The following NALF1 variants were observed in gnomAD, a reference collection of about 807,000 sequenced individuals.
NALF1 encodes NALCN channel auxiliary factor 1.
A neutral mutation model predicts 48.4 loss-of-function variants in NALF1; 3 were observed. The ratio of observed to expected loss-of-function variants is 0.06; its 90% CI spans 0.03 to 0.16. The LOEUF (loss-of-function observed/expected upper bound fraction) is 0.16, where lower values mean the gene tolerates loss of function less well. Among genes scored for constraint, NALF1 ranks in the 10% least tolerant of loss-of-function variants. NALF1 has a pLI of 1.00. For missense variants in NALF1, 526 were observed against 571.5 expected (o/e 0.92, Z 0.81); for synonymous variants, 262 against 245.7 (o/e 1.07, Z -0.62).
intron 1 of NALF1, among the ~76,000 whole-genome samples, chr13:107,251,578 G>A (rs781749302): frequency 6.6e-6 from 1 of 152,166 alleles, no homozygotes; most frequent in Non-Finnish European, 1.5e-5. Context: ...GCAAGGAGAG[G>A]TTATAAACTT....
intron 1 of NALF1, among the ~76,000 whole-genome samples, chr13:107,831,182 T>C (rs1476384632): frequency 1.3e-5 from 2 of 152,198 alleles, no homozygotes; most frequent in South Asian, 2.1e-4. Flanking sequence ...AAAACCAAGA[T>C]AGTTCATCCA....
chr13:107,207,482 A>G (rs769514227), intron 2 of NALF1, among the ~76,000 whole-genome samples: 1 of 152,124 alleles, frequency 6.6e-6, no homozygotes, highest in Non-Finnish European at 1.5e-5. Flanking sequence ...ATGACAAGCC[A>G]CTCCACAGTT....
chr13:107,230,440 G>A (rs761363580), intron 1 of NALF1, among the ~76,000 whole-genome samples: 8 of 152,074 alleles, frequency 5.3e-5, no homozygotes, highest in Non-Finnish European at 8.8e-5. Flanking sequence ...GCATGTTGAA[G>A]TGAAAAAGCC....
chr13:107,434,772 G>A (rs143053839), intron 1 of NALF1, among the ~76,000 whole-genome samples: 53 of 152,288 alleles, frequency 3.5e-4, no homozygotes, highest in African/African-American at 1.2e-3. Context: ...CAAATGCAGA[G>A]AATATTTTAT....
rs142086000 is a variant in NALF1, at chr13:107,491,919, AATTATT to A, written c.916-281170_916-281165del. Among the ~76,000 whole-genome samples the A allele has an allele frequency of 6.5e-4, 98 of 151,478 alleles. No individual in the cohort carries two copies. In the Middle Eastern group the frequency reaches 0.014, roughly 21 times the overall value. On this transcript the variant is annotated intron_variant, in intron 1 of 2. Transcript: ENST00000375915. Reference sequence around the variant, plus strand: ...TAAATGTTAATGATAATATCATTCAAATTATTATTATTATTATTATCCTGCTGAAAG... The same window carrying A: ...TAAATGTTAATGATAATATCATTCAAATTATTATTATTATCCTGCTGAAAG...
chr13:107,714,452 G>C (rs1312376122), intron 1 of NALF1, among the ~76,000 whole-genome samples: 2 of 151,886 alleles, frequency 1.3e-5, no homozygotes, highest in Non-Finnish European at 2.9e-5. Flanking sequence ...AGATGGCTTT[G>C]AGCTCAGGAG....
At chr13:107,288,153 T>A (rs1316530960) in intron 1 of NALF1, among the ~76,000 whole-genome samples, 3 of 151,884 alleles carry the variant, frequency 2.0e-5, no homozygotes, top group Non-Finnish European at 1.5e-5. Flanking sequence ...CTCAATTGAC[T>A]AAATAAATTA....
At chr13:107,189,458 T>C (rs9520319) in intron 2 of NALF1, among the ~76,000 whole-genome samples, 49,829 of 152,010 alleles carry the variant, frequency 0.33, 9,143 homozygotes, top group Middle Eastern at 0.45. Context: ...TAGAGGGTTG[T>C]CTTAGTGATC....
intron 1 of NALF1, among the ~76,000 whole-genome samples, chr13:107,825,614 A>T (rs555107730): frequency 6.6e-6 from 1 of 152,228 alleles, no homozygotes; most frequent in South Asian, 2.1e-4. Context: ...AAAATAAATA[A>T]ATTCCTGTAC....
chr13:107,223,582 T>C (rs934003535), intron 1 of NALF1, among the ~76,000 whole-genome samples: 1 of 152,158 alleles, frequency 6.6e-6, no homozygotes, highest in Admixed American at 6.5e-5. Flanking sequence ...GTTCCATAAT[T>C]CAAATGAAGA....
intron 1 of NALF1, among the ~76,000 whole-genome samples, chr13:107,410,112 G>A (rs1883964766): frequency 6.6e-6 from 1 of 152,202 alleles, no homozygotes; most frequent in African/African-American, 2.4e-5. Context: ...AAGTAACAAT[G>A]CTTGGTGCTT....
intron 1 of NALF1, among the ~76,000 whole-genome samples, chr13:107,343,442 C>T (rs1882718490): frequency 6.6e-6 from 1 of 152,146 alleles, no homozygotes; most frequent in South Asian, 2.1e-4. Context: ...ATAAGTCTCA[C>T]AAGATCTGAT....
At chr13:107,830,388 T>G (rs1879681756) in intron 1 of NALF1, among the ~76,000 whole-genome samples, 1 of 152,200 alleles carries the variant, frequency 6.6e-6, no homozygotes, top group South Asian at 2.1e-4. Context: ...GGCTGTACAT[T>G]TTACATTCCC....
intron 1 of NALF1, among the ~76,000 whole-genome samples, chr13:107,370,706 C>A (rs745621702): frequency 6.6e-6 from 1 of 152,108 alleles, no homozygotes; most frequent in Non-Finnish European, 1.5e-5. Flanking sequence ...ATGCTGCGAA[C>A]AAAAACATAA....
intron 1 of NALF1, among the ~76,000 whole-genome samples, chr13:107,266,933 G>A (rs9558983): frequency 0.27 from 41,069 of 152,030 alleles, 6,291 homozygotes; most frequent in East Asian, 0.52. Flanking sequence ...GTACAGCCTG[G>A]CTTGTAGTGT....
chr13:107,392,091 T>C (rs1036245502), intron 1 of NALF1, among the ~76,000 whole-genome samples: 4 of 152,274 alleles, frequency 2.6e-5, no homozygotes, highest in Non-Finnish European at 4.4e-5. Flanking sequence ...TTTGAAATTG[T>C]GACTGCTCCC....
intron 1 of NALF1, among the ~76,000 whole-genome samples, chr13:107,644,029 G>A (rs941490777): frequency 6.8e-6 from 1 of 148,048 alleles, no homozygotes; most frequent in Non-Finnish European, 1.5e-5. Context: ...AATTACAAAT[G>A]TGTAATTTAT....
intron 1 of NALF1, among the ~76,000 whole-genome samples, chr13:107,219,494 A>G (rs1879946525): frequency 6.6e-6 from 1 of 152,226 alleles, no homozygotes; most frequent in South Asian, 2.1e-4. Flanking sequence ...TTGAGTCTTA[A>G]ATAAGAAATC....
chr13:107,577,150 T>C (rs1352079534), intron 1 of NALF1, among the ~76,000 whole-genome samples: 4 of 152,202 alleles, frequency 2.6e-5, no homozygotes, highest in African/African-American at 9.6e-5. Context: ...TCTTCTACCA[T>C]TGACATCGTC....
Sources: allele counts gnomAD v4.1 joint callset (sites outside exome capture counted in the v4.1 genomes callset), GRCh38; gene constraint gnomAD v4.1.1; transcripts MANE v1.5; gene names NCBI Gene and HGNC (gene_info 2026-07-23, HGNC 2026-07-21).